The following GLIS3 variants were observed in gnomAD, a reference collection of about 807,000 sequenced individuals.
GLIS3 encodes GLIS family zinc finger 3.
A neutral mutation model predicts 78.6 loss-of-function variants in GLIS3; 53 were observed. The observed-to-expected ratio is 0.67, with a 90% CI of 0.54 to 0.85. The LOEUF is 0.85. Among genes scored for constraint, GLIS3 ranks in the 40% least tolerant of loss-of-function variants. GLIS3 has a pLI of 0.00. For synonymous variants in GLIS3, 684 were observed against 509.9 expected (o/e 1.34, Z -4.60); for missense variants, 1,703 against 1,231.1 (o/e 1.38, Z -5.74).
chr9:4,317,609 T>C (rs1319183014), intron 2 of GLIS3, among the ~76,000 whole-genome samples: 1 of 152,272 alleles, frequency 6.6e-6, no homozygotes, highest in Admixed American at 6.5e-5. Context: ...TCCTTTTATA[T>C]GATACCTATT....
In GLIS3 at chr9:3,856,016, A is replaced by G; in HGVS notation, c.2466T>C (p.His822=). Residue 822 remains histidine, a synonymous_variant, in exon 9 of 11, where the codon CAT becomes CAC. Coordinates refer to ENST00000381971, the MANE Select transcript of GLIS3 (RefSeq NM_001042413.2). ...TGCCAGCTTCTTGCTTACCATGGAC[A>G]TGGATACCATTTGGTTGAAAAGAAG... ...TNSSFQPNGI[H]VHGFYGQLQK... is the part of the protein sequence containing the mutation. The G allele has an allele frequency of 6.2e-7, 1 of 1,614,130 alleles. No homozygotes were observed. The highest frequency in any genetic ancestry group is 1.7e-5 in the Admixed American group (1 of 60,018).
chr9:4,024,509 G>C (rs1823151488), intron 4 of GLIS3, among the ~76,000 whole-genome samples: 1 of 152,126 alleles, frequency 6.6e-6, no homozygotes, highest in South Asian at 2.1e-4. Context: ...AATCTAATTA[G>C]GGCAGAACTA....
intron 4 of GLIS3, among the ~76,000 whole-genome samples, chr9:4,062,039 G>C (rs1826697928): frequency 6.6e-6 from 1 of 152,182 alleles, no homozygotes; most frequent in African/African-American, 2.4e-5. Context: ...GGCTGTCCCA[G>C]CATCTTTCCT....
At chr9:4,104,829 A>C (rs993684738) in intron 4 of GLIS3, among the ~76,000 whole-genome samples, 1 of 152,208 alleles carries the variant, frequency 6.6e-6, no homozygotes, top group Non-Finnish European at 1.5e-5. Context: ...AAGCTCCAGA[A>C]GGATGGGAGT....
At chr9:4,262,841 G>C (rs904523219) in intron 2 of GLIS3, among the ~76,000 whole-genome samples, 1 of 149,886 alleles carries the variant, frequency 6.7e-6, no homozygotes. Context: ...TCACCGAAAG[G>C]AATGTAGTGA....
At chr9:3,870,656 T>C (rs1408967525) in intron 8 of GLIS3, among the ~76,000 whole-genome samples, 1 of 152,210 alleles carries the variant, frequency 6.6e-6, no homozygotes, top group Non-Finnish European at 1.5e-5. Context: ...GTGAGACTTA[T>C]TCACTACCAT....
At chr9:3,991,257 G>A (rs571878128) in intron 4 of GLIS3, among the ~76,000 whole-genome samples, 2 of 152,168 alleles carry the variant, frequency 1.3e-5, no homozygotes, top group South Asian at 4.1e-4. Flanking sequence ...TACAATAGTA[G>A]CCATCATTAA....
At chr9:3,936,380 A>G (rs1012708706) in intron 5 of GLIS3, among the ~76,000 whole-genome samples, 2 of 152,226 alleles carry the variant, frequency 1.3e-5, no homozygotes, top group Non-Finnish European at 1.5e-5. Context: ...TAAGGGACTT[A>G]AGGGTGTAAT....
chr9:4,436,508 C>A, the GLIS3 span, among the ~76,000 whole-genome samples: 1 of 152,026 alleles, frequency 6.6e-6, no homozygotes, highest in Non-Finnish European at 1.5e-5. Flanking sequence ...GACATCTTAC[C>A]TTAAGAGACG....
chr9:3,850,767 C>G (rs919231030), intron 9 of GLIS3, among the ~76,000 whole-genome samples: 2 of 152,218 alleles, frequency 1.3e-5, no homozygotes, highest in Non-Finnish European at 2.9e-5. Flanking sequence ...CCTGTGTACT[C>G]CAGCCATCCC....
chr9:4,446,962 C>T, the GLIS3 span, among the ~76,000 whole-genome samples: 159 of 152,166 alleles, frequency 1.0e-3, no homozygotes, highest in African/African-American at 3.5e-3. Flanking sequence ...TTTTTGCAAA[C>T]GTGCCCCGTG....
chr9:4,089,103 G>T (rs780305205), intron 4 of GLIS3, among the ~76,000 whole-genome samples: 1 of 152,206 alleles, frequency 6.6e-6, no homozygotes, highest in Non-Finnish European at 1.5e-5. Context: ...TTATGAACTA[G>T]TCCCAAATAT....
chr9:4,399,499 C>T, the GLIS3 span, among the ~76,000 whole-genome samples: 1 of 152,186 alleles, frequency 6.6e-6, no homozygotes, highest in South Asian at 2.1e-4. Context: ...CATAGCTGGC[C>T]AGGAGGCAGA....
In GLIS3 at chr9:4,039,467, G is replaced by A. The variant is rs77691737; in HGVS notation, c.1710+78301C>T. On this transcript the variant is annotated intron_variant, in intron 4 of 10. Transcript: ENST00000381971. The stretch of plus-strand genomic sequence containing the variant: ...AGAGGCCTGTGCTTCTTGGAAACAA[G>A]CTGCTCTGATGGGTCTCCAGCCCAC... Among the ~76,000 whole-genome samples the A allele has an allele frequency of 5.9e-3, 902 of 152,236 alleles. 10 individuals carry two copies. Among genetic ancestry groups the A allele is most frequent in the East Asian group, 0.028 (146 of 5,172 alleles).
In GLIS3 at chr9:4,336,882, G is replaced by C. The variant is rs550887934; in HGVS notation, n.264+10199C>G. Reference sequence around the variant, plus strand: ...ACAAAGTTATCTGTCAATTCTACATGAATACTCATATATTCTGATAAGGAA... The same window carrying C: ...ACAAAGTTATCTGTCAATTCTACATCAATACTCATATATTCTGATAAGGAA... On this transcript the variant is annotated intron_variant and non_coding_transcript_variant, in intron 2 of 4. Transcript: ENST00000471664. 2.6e-5 allele frequency among the ~76,000 whole-genome samples: 4 copies of C among 152,226 alleles called. No homozygotes were observed. The East Asian group carries it at 7.7e-4, about 29-fold the overall frequency.
chr9:3,912,648 T>C (rs914972878), intron 6 of GLIS3, among the ~76,000 whole-genome samples: 2 of 152,176 alleles, frequency 1.3e-5, no homozygotes, highest in South Asian at 4.1e-4. Context: ...AAAACTGACA[T>C]TGAGAATCTT....
chr9:4,332,947 T>A (rs1817706865), intron 2 of GLIS3, among the ~76,000 whole-genome samples: 1 of 152,244 alleles, frequency 6.6e-6, no homozygotes, highest in Non-Finnish European at 1.5e-5. Context: ...CTGACATTAA[T>A]CTTGATTCAA....
chr9:4,268,097 T>C (rs1336941963), intron 2 of GLIS3, among the ~76,000 whole-genome samples: 1 of 152,104 alleles, frequency 6.6e-6, no homozygotes, highest in East Asian at 1.9e-4. Flanking sequence ...TATGGCTTAG[T>C]GATTAAAAGC....
Position 3,828,236 on chromosome 9 carries a change from A to C in GLIS3, c.*36T>G. 1 of 1,613,468 alleles carries C rather than the reference A, an allele frequency of 6.2e-7. No individual in the cohort carries two copies. The highest frequency in any genetic ancestry group is 8.5e-7 in the Non-Finnish European group (1 of 1,179,694). ...AAAACAAAAGGTGGCAAGCAACATC[A>C]AGGTCCTGGGTGTGCAGGAGTGGCC... On this transcript the variant is annotated 3_prime_UTR_variant, in exon 11 of 11. Coordinates refer to ENST00000381971, the MANE Select transcript of GLIS3 (RefSeq NM_001042413.2).
Sources: allele counts gnomAD v4.1 joint callset (sites outside exome capture counted in the v4.1 genomes callset), GRCh38; gene constraint gnomAD v4.1.1; transcripts MANE v1.5; gene names NCBI Gene and HGNC (gene_info 2026-07-23, HGNC 2026-07-21).